Variants in CS observed in about 807,000 individuals in gnomAD.
The protein encoded by CS is citrate synthase.
In CS, 13 loss-of-function variants were observed where a neutral mutation model predicts 61.4. The observed-to-expected ratio is 0.21, with a 90% CI of 0.14 to 0.34. CS has a LOEUF of 0.34. Among genes scored for constraint, CS ranks in the 10% least tolerant of loss-of-function variants. The pLI, the probability that CS is intolerant of heterozygous loss-of-function variation, is 1.00. For missense variants in CS, 278 were observed against 573.4 expected (o/e 0.48, Z 5.26); for synonymous variants, 159 against 215.2 (o/e 0.74, Z 2.29).
intron 7 of CS, chr12:56,275,557 C>T: frequency 5.2e-6 from 1 of 192,094 alleles, no homozygotes; most frequent in Non-Finnish European, 1.0e-5. Flanking sequence ...GGCGACAGAG[C>T]AAGACTCCAT....
At position 56,287,782 on chromosome 12, in the gene CS, GTAGCTGGGAT is replaced by G. The variant is rs574315538; in HGVS notation, c.43-1147_43-1138del. Among the ~76,000 whole-genome samples, 134 of 152,206 alleles carry G rather than the reference GTAGCTGGGAT, an allele frequency of 8.8e-4. 1 individual carries two copies. Among genetic ancestry groups the G allele is most frequent in the African/African-American group, 3.1e-3 (130 of 41,538 alleles). ...TGATTCTCCTGCCTTAGCCTCCTGA[GTAGCTGGGAT>G]TACAGGCATGCACCACCATGCTTGG... On this transcript the variant is annotated intron_variant, in intron 1 of 10. Coordinates refer to ENST00000351328, the MANE Select transcript of CS (RefSeq NM_004077.3).
chr12:56,282,160 T>C (rs1355135095), intron 6 of CS, among the ~76,000 whole-genome samples: 1 of 152,218 alleles, frequency 6.6e-6, no homozygotes, highest in Non-Finnish European at 1.5e-5. Flanking sequence ...CCCGGCCGAC[T>C]ATGGAATTTT....
chr12:56,283,735 G>GT, intron 4 of CS, 57 bp downstream of exon 4: 1 of 1,347,394 alleles, frequency 7.4e-7, no homozygotes. Flanking sequence ...CTAATCCACG[G>GT]TTTGCGTATT....
chr12:56,279,398 T>A (rs1311767421), intron 6 of CS, among the ~76,000 whole-genome samples: 6 of 152,050 alleles, frequency 3.9e-5, no homozygotes, highest in African/African-American at 1.4e-4. Context: ...CAGCACTTTG[T>A]GAGGCCGAGG....
At chr12:56,289,625 G>C (rs1452079747) in intron 1 of CS, among the ~76,000 whole-genome samples, 2 of 151,544 alleles carry the variant, frequency 1.3e-5, no homozygotes, top group Non-Finnish European at 2.9e-5. Context: ...TTGTATTTTA[G>C]TAGAGACAGG....
chr12:56,282,730 C>A (rs1026003197), intron 5 of CS, 122 bp from the exon 6 acceptor site: 15 of 1,530,822 alleles, frequency 9.8e-6, no homozygotes, highest in South Asian at 1.2e-5. Context: ...ATTTATACAG[C>A]AGAACTCTGC....
At chr12:56,273,857 A>G in intron 9 of CS, 61 bp from the exon 10 acceptor site, 2 of 1,419,078 alleles carry the variant, frequency 1.4e-6, no homozygotes, top group Non-Finnish European at 2.0e-6. Context: ...TTTTCGAGAC[A>G]GGATCTCACT....
At chr12:56,277,194 ACT>A (rs1238333096) in intron 6 of CS, among the ~76,000 whole-genome samples, 3 of 106,744 alleles carry the variant, frequency 2.8e-5, no homozygotes, top group African/African-American at 8.7e-5. Context: ...ACAGAGCGAG[ACT>A]CTGTCTAAAA....
intron 2 of CS, 40 bp downstream of exon 2, chr12:56,286,555 G>T: frequency 6.3e-7 from 1 of 1,597,136 alleles, no homozygotes; most frequent in African/African-American, 1.3e-5. Context: ...CAGGCTGGCC[G>T]CAATGATTCT....
intron 3 of CS, 70 bp from the exon 4 acceptor site, chr12:56,283,927 A>T: frequency 1.8e-6 from 2 of 1,138,844 alleles, no homozygotes; most frequent in South Asian, 2.6e-5. Flanking sequence ...TTCAGACTAG[A>T]ACTTGTTAGA....
rs1872528483 is a variant in CS, at chr12:56,271,898, GA to G, written c.*1185del. 8.8e-6 allele frequency: 4 copies of G among 456,338 alleles called. No individual in the cohort carries two copies. Among genetic ancestry groups the G allele is most frequent in the Non-Finnish European group, 1.8e-5 (4 of 226,740 alleles). The allele number at this position is 456,338 out of a possible 1,614,324, so 28.3% of individuals were successfully genotyped here. ...GAGTGTATCTTAATCCTTTCTCAAA[GA>G]AAAAGAAGTAGAGCATTCTGAGTTG... is the stretch of plus-strand genomic sequence containing the variant. On this transcript the variant is annotated 3_prime_UTR_variant, in exon 11 of 11. Transcript: ENST00000351328.
Position 56,273,207 on chromosome 12 carries a change from C to T in CS, c.1278G>A (p.Val426=). The part of the protein sequence containing the change: ...EMNYYTVLFG[V]SRALGVLAQL... The stretch of plus-strand genomic sequence containing the variant: ...GTGCCAGTACACCCAATGCTCGTGA[C>T]ACCCCAAACAGGACCGTGTAGTAAT... Residue 426 remains valine, a synonymous_variant, in exon 11 of 11, where the codon GTG becomes GTA. Coordinates refer to ENST00000351328, the MANE Select transcript of CS (RefSeq NM_004077.3). 4 of 1,614,124 alleles carry T rather than the reference C, an allele frequency of 2.5e-6. No homozygotes were observed. Among genetic ancestry groups the T allele is most frequent in the Non-Finnish European group, 3.4e-6 (4 of 1,180,000 alleles).
intron 6 of CS, among the ~76,000 whole-genome samples, chr12:56,278,716 G>A (rs1872692548): frequency 6.7e-6 from 1 of 150,062 alleles, no homozygotes; most frequent in South Asian, 2.1e-4. Context: ...CAGCCTGAGC[G>A]ACAGAGACTC....
intron 1 of CS, among the ~76,000 whole-genome samples, chr12:56,290,974 G>T (rs1330675050): frequency 1.3e-5 from 2 of 152,140 alleles, no homozygotes; most frequent in African/African-American, 4.8e-5. Flanking sequence ...TTTAGATATG[G>T]AGTTACCAAG....
chr12:56,299,531 G>A (rs997163662), intron 1 of CS, among the ~76,000 whole-genome samples: 1 of 152,166 alleles, frequency 6.6e-6, no homozygotes, highest in Non-Finnish European at 1.5e-5. Context: ...TAGTCATGCA[G>A]GAGGTTGTAC....
chr12:56,283,896 T>C (rs768254776), intron 3 of CS, 39 bp from the exon 4 acceptor site: 4 of 1,465,604 alleles, frequency 2.7e-6, no homozygotes, highest in Non-Finnish European at 3.8e-6. Flanking sequence ...AAAAAGAGGC[T>C]GTGGCCAGTA....
chr12:56,281,077 G>A (rs963906722), intron 6 of CS, among the ~76,000 whole-genome samples: 1 of 152,186 alleles, frequency 6.6e-6, no homozygotes, highest in Admixed American at 6.5e-5. Context: ...TCTGTGTCTT[G>A]CACCACAGTG....
chr12:56,298,975 G>A (rs1397176248), intron 1 of CS, among the ~76,000 whole-genome samples: 2 of 151,908 alleles, frequency 1.3e-5, no homozygotes, highest in Non-Finnish European at 2.9e-5. Context: ...CCAGGAGGTG[G>A]AGGCTGCAGG....
intron 6 of CS, 57 bp downstream of exon 6, chr12:56,282,363 A>G: frequency 7.3e-7 from 1 of 1,366,096 alleles, no homozygotes; most frequent in Non-Finnish European, 9.8e-7. Flanking sequence ...CCCTCCCTTC[A>G]CACTCAAGTC....
Sources: gnomAD v4.1 joint callset for allele counts (sites outside exome capture counted in the v4.1 genomes callset) on GRCh38, gnomAD v4.1.1 for gene constraint, MANE v1.5 for transcripts, NCBI Gene and HGNC (gene_info 2026-07-23, HGNC 2026-07-21) for gene names.